Variants in FRS2 observed in about 807,000 individuals in gnomAD.
FRS2 encodes the protein fibroblast growth factor receptor substrate 2, also known as FGFR signalling adaptor.
In FRS2, 8 loss-of-function variants were observed where a neutral mutation model predicts 43.9. The observed-to-expected ratio is 0.18, with a 90% CI of 0.11 to 0.33. FRS2 has a LOEUF of 0.33. Ranked by LOEUF, FRS2 falls within the 10% of genes least tolerant of loss-of-function variation. FRS2 has a pLI of 1.00. For missense variants in FRS2, 534 were observed against 627.6 expected (o/e 0.85, Z 1.59); for synonymous variants, 219 against 220.3 (o/e 0.99, Z 0.05).
At chr12:69,474,041 C>G (rs1409465969) in intron 1 of FRS2, among the ~76,000 whole-genome samples, 1 of 152,098 alleles carries the variant, frequency 6.6e-6, no homozygotes, top group Non-Finnish European at 1.5e-5. Context: ...CGGGGTTTCA[C>G]CATGTTGACC....
At chr12:69,557,619 T>TGCGCGCGCGCGCGCGC (rs529133007) in intron 3 of FRS2, among the ~76,000 whole-genome samples, 4 of 118,966 alleles carry the variant, frequency 3.4e-5, no homozygotes, top group Admixed American at 8.4e-5. Flanking sequence ...TGTGTGTGTG[T>TGCGCGCGCGCGCGCGC]GCGCGCGCGC....
intron 1 of FRS2, among the ~76,000 whole-genome samples, chr12:69,484,085 G>A (rs1871596449): frequency 6.8e-6 from 1 of 146,682 alleles, no homozygotes. Context: ...AATTGGAAAA[G>A]CTTTTCTTTC....
intron 3 of FRS2, among the ~76,000 whole-genome samples, chr12:69,539,769 C>T (rs1443250077): frequency 1.3e-5 from 2 of 152,016 alleles, no homozygotes; most frequent in Non-Finnish European, 2.9e-5. Flanking sequence ...GCCTGGCCAA[C>T]ATGGTGAAAC....
chr12:69,553,499 C>A (rs1451421481), intron 3 of FRS2, among the ~76,000 whole-genome samples: 2 of 152,068 alleles, frequency 1.3e-5, no homozygotes, highest in African/African-American at 4.8e-5. Context: ...TATGATTGTA[C>A]CTTTAAATTT....
chr12:69,475,102 G>C (rs919634438), intron 1 of FRS2, among the ~76,000 whole-genome samples: 2 of 152,108 alleles, frequency 1.3e-5, no homozygotes, highest in Non-Finnish European at 2.9e-5. Context: ...ATAGAATTTT[G>C]TGTGGTTTTC....
chr12:69,529,192 G>A (rs1039062412), intron 1 of FRS2, among the ~76,000 whole-genome samples: 1 of 152,214 alleles, frequency 6.6e-6, no homozygotes, highest in African/African-American at 2.4e-5. Context: ...AGATCAGACA[G>A]GGAACTATTA....
intron 1 of FRS2, among the ~76,000 whole-genome samples, chr12:69,523,297 G>A (rs1344277315): frequency 6.6e-6 from 1 of 152,184 alleles, no homozygotes; most frequent in Admixed American, 6.5e-5. Context: ...AGGATAGTTA[G>A]GTCTTCTTGT....
intron 1 of FRS2, among the ~76,000 whole-genome samples, chr12:69,503,510 C>T (rs534123902): frequency 6.6e-6 from 1 of 152,230 alleles, no homozygotes; most frequent in African/African-American, 2.4e-5. Context: ...CTGACAGTCC[C>T]CATTGCATGG....
chr12:69,570,184 C>A, intron 5 of FRS2, 147 bp from the exon 6 acceptor site: 1 of 629,462 alleles, frequency 1.6e-6, no homozygotes, highest in Non-Finnish European at 2.9e-6. Context: ...CAGATCTGAA[C>A]TGGGTGTTAC....
chr12:69,490,518 A>G lies in FRS2; in HGVS notation c.-261+19988A>G, dbSNP rs750789583. On this transcript the variant is annotated intron_variant, in intron 1 of 8. Coordinates refer to ENST00000549921, the MANE Select transcript of FRS2 (RefSeq NM_001278356.2). ...GTTTTTAACTGCCTTTTGGATTCAA[A>G]TGATTTTGGCACTTCTTAGGTTCTT... 3.4e-4 allele frequency among the ~76,000 whole-genome samples: 52 copies of G among 151,576 alleles called. 1 individual carries two copies. Among genetic ancestry groups the G allele is most frequent in the Non-Finnish European group, 5.3e-4 (36 of 67,916 alleles).
Position 69,574,523 on chromosome 12 carries a change from T to C in FRS2, c.1095T>C (p.Ser365=). 1 of 1,614,094 alleles carries C rather than the reference T, an allele frequency of 6.2e-7. No homozygotes were observed. Among genetic ancestry groups the C allele is most frequent in the Non-Finnish European group, 8.5e-7 (1 of 1,180,002 alleles). ...LPPVWEARKL[S]RDEDDNLGPK... ...CTGTTTGGGAAGCCCGCAAGCTAAGTAGGGATGAAGATGACAATTTAGGAC... is the reference window on the plus strand; with the variant it reads ...CTGTTTGGGAAGCCCGCAAGCTAAGCAGGGATGAAGATGACAATTTAGGAC... The change falls in exon 9 of 9, where the codon AGT becomes AGC. Residue 365 remains serine (S), a synonymous_variant. Transcript: ENST00000549921.
At chr12:69,485,409 C>T (rs1348949357) in intron 1 of FRS2, among the ~76,000 whole-genome samples, 1 of 152,080 alleles carries the variant, frequency 6.6e-6, no homozygotes, top group African/African-American at 2.4e-5. Flanking sequence ...GTCTCGATCT[C>T]CTGACCTCGT....
intron 1 of FRS2, among the ~76,000 whole-genome samples, chr12:69,498,008 G>GT (rs1873065997): frequency 9.8e-6 from 1 of 101,898 alleles, no homozygotes; most frequent in Non-Finnish European, 1.9e-5. Context: ...GTCCTTGTTT[G>GT]TTTTTTCAGA....
intron 1 of FRS2, among the ~76,000 whole-genome samples, chr12:69,522,428 CTG>C (rs1294560413): frequency 1.3e-5 from 2 of 152,126 alleles, no homozygotes; most frequent in South Asian, 2.1e-4. Context: ...ATTTTTATAT[CTG>C]TGGGATCAGT....
chr12:69,548,736 C>T (rs1878625342), intron 3 of FRS2, among the ~76,000 whole-genome samples: 1 of 152,172 alleles, frequency 6.6e-6, no homozygotes, highest in Non-Finnish European at 1.5e-5. Flanking sequence ...GCCAGGTTTG[C>T]TGGGAACACC....
intron 1 of FRS2, among the ~76,000 whole-genome samples, chr12:69,508,518 A>G (rs755613882): frequency 6.6e-6 from 1 of 152,210 alleles, no homozygotes; most frequent in Non-Finnish European, 1.5e-5. Flanking sequence ...GTTGGAAAAA[A>G]TGTATACTCT....
At position 69,547,961 on chromosome 12, in the gene FRS2, T is replaced by G. The variant is rs182343261; in HGVS notation, c.-121-14219T>G. Among the ~76,000 whole-genome samples the G allele has an allele frequency of 5.7e-4, 85 of 149,070 alleles. 1 individual carries two copies. Among genetic ancestry groups the G allele is most frequent in the Middle Eastern group, 3.5e-3 (1 of 288 alleles). On this transcript the variant is annotated intron_variant, in intron 3 of 8. Transcript: ENST00000549921. ...CTCAAGGGATCCTTCCATCTCAGCCTCCTAATAAATAAGTAGCTAGGACTA... is the reference window on the plus strand; with the variant it reads ...CTCAAGGGATCCTTCCATCTCAGCCGCCTAATAAATAAGTAGCTAGGACTA...
At chr12:69,514,308 C>T (rs1214153352) in intron 1 of FRS2, among the ~76,000 whole-genome samples, 2 of 152,126 alleles carry the variant, frequency 1.3e-5, no homozygotes, top group African/African-American at 2.4e-5. Context: ...GGATGGATGC[C>T]ACAACCTGTC....
intron 2 of FRS2, 90 bp from the exon 3 acceptor site, chr12:69,531,923 TG>T (rs1201852040): frequency 6.6e-6 from 1 of 152,658 alleles, no homozygotes; most frequent in Admixed American, 6.5e-5. Context: ...CGTAATATTC[TG>T]AATGTACTCT....
Sources: allele counts gnomAD v4.1 joint callset (sites outside exome capture counted in the v4.1 genomes callset), GRCh38; gene constraint gnomAD v4.1.1; transcripts MANE v1.5; gene names NCBI Gene and HGNC (gene_info 2026-07-23, HGNC 2026-07-21).